Variants in NFIB observed in about 807,000 individuals in gnomAD.
The protein encoded by NFIB is nuclear factor I B.
A neutral mutation model predicts 61.5 loss-of-function variants in NFIB; 11 were observed. The observed-to-expected ratio is 0.18, with a 90% CI of 0.11 to 0.30. NFIB has a LOEUF of 0.30. Ranked by LOEUF, NFIB falls within the 10% of genes least tolerant of loss-of-function variation. NFIB has a pLI of 1.00. For missense variants in NFIB, 471 were observed against 608.9 expected, an observed-to-expected ratio of 0.77 and a Z score of 2.38; for synonymous variants, 260 against 216.5, an observed-to-expected ratio of 1.20 and a Z score of -1.76.
chr9:14,441,935 A>G, the NFIB span, among the ~76,000 whole-genome samples: 1 of 152,214 alleles, frequency 6.6e-6, no homozygotes, highest in Non-Finnish European at 1.5e-5. Flanking sequence ...GTAATTTCCC[A>G]TGAATGATTG....
At chr9:14,207,059 G>C (rs1043224120) in intron 2 of NFIB, among the ~76,000 whole-genome samples, 2 of 152,166 alleles carry the variant, frequency 1.3e-5, no homozygotes, top group Non-Finnish European at 2.9e-5. Context: ...TTGAGTATTT[G>C]TTTACATGTC....
Position 14,204,222 on chromosome 9 carries a change from T to C in NFIB, c.563-24442A>G, listed in dbSNP as rs142259752. The C allele has an allele frequency of 5.2e-3, 2,903 of 555,632 alleles. 16 individuals are homozygous for C. Among genetic ancestry groups the C allele is most frequent in the Middle Eastern group, 9.1e-3 (19 of 2,096 alleles). 34.4% of individuals were successfully genotyped at this position (555,632 alleles called of 1,614,324 possible). On this transcript the variant is annotated intron_variant, in intron 2 of 10. Coordinates refer to ENST00000380953, the MANE Select transcript of NFIB (RefSeq NM_001190737.2). ...GCCTCAAAATTTGAGGAATGATCTCTCTTTTCCCGCCGTCCACTGCCCAAG... is the reference window on the plus strand; with the variant it reads ...GCCTCAAAATTTGAGGAATGATCTCCCTTTTCCCGCCGTCCACTGCCCAAG...
intron 10 of NFIB, among the ~76,000 whole-genome samples, chr9:14,105,347 A>G (rs978170701): frequency 4.6e-5 from 7 of 152,246 alleles, no homozygotes; most frequent in Admixed American, 1.3e-4. Context: ...TGCCAAATAA[A>G]TTGGCAATAT....
In NFIB at chr9:14,307,142, G is replaced by A. The variant is rs1314492509; in HGVS notation, c.409C>T (p.Leu137=). ...VWRLDLVMVI[L]FKGIPLESTD... ...CTTTCCAAGGGGATGCCTTTGAACA[G>A]GATCACCATGACTAGATCCAGACGC... Residue 137 remains leucine (L), a synonymous_variant, in exon 2 of 11, where the codon CTG becomes TTG. Transcript: ENST00000380953. The surrounding 1 kb of genome is among the most constrained non-coding windows in gnomAD (Gnocchi z 5.3). 15 of 1,614,146 alleles carry A rather than the reference G, an allele frequency of 9.3e-6. No individual in the cohort carries two copies. In the South Asian group the frequency reaches 1.4e-4, roughly 15 times the overall value.
At chr9:14,161,558 C>A (rs2044208193) in intron 3 of NFIB, among the ~76,000 whole-genome samples, 1 of 150,818 alleles carries the variant, frequency 6.6e-6, no homozygotes. Context: ...TAGTTGTATC[C>A]AGCTTTTTTC....
the NFIB span, among the ~76,000 whole-genome samples, chr9:14,451,672 G>C: frequency 4.6e-5 from 7 of 152,284 alleles, no homozygotes; most frequent in South Asian, 1.5e-3. Flanking sequence ...GAGCTTGCTT[G>C]TATAATATGA....
chr9:14,521,314 A>C, the NFIB span, among the ~76,000 whole-genome samples: 1 of 152,232 alleles, frequency 6.6e-6, no homozygotes, highest in Admixed American at 6.5e-5. Flanking sequence ...CTAGAAGTAC[A>C]TCAACTCCAT....
Position 14,083,096 on chromosome 9 carries a change from TAAA to T in NFIB, c.*5210_*5212del, listed in dbSNP as rs34054280. 2.6e-3 allele frequency: 470 copies of T among 180,670 alleles called. 3 individuals carry two copies. The highest frequency in any genetic ancestry group is 9.7e-3 in the African/African-American group (403 of 41,668). The allele number at this position is 180,670 out of a possible 1,614,324, so 11.2% of individuals were successfully genotyped here. On this transcript the variant is annotated 3_prime_UTR_variant, in exon 11 of 11. Transcript: ENST00000380953. ...ATTAACTAGTGAACCCTTTTATTAT[TAAA>T]AAAAAAAAAAAACTACTTACAACCA...
chr9:14,190,982 C>A (rs1464666251), intron 2 of NFIB, among the ~76,000 whole-genome samples: 1 of 152,110 alleles, frequency 6.6e-6, no homozygotes, highest in Non-Finnish European at 1.5e-5. Flanking sequence ...AACCTGAGGT[C>A]AGGAGTTCAA....
At chr9:14,495,989 G>A in the NFIB span, among the ~76,000 whole-genome samples, 3 of 152,132 alleles carry the variant, frequency 2.0e-5, no homozygotes, top group Non-Finnish European at 4.4e-5. Flanking sequence ...CTCTTCACCT[G>A]TAAAATGGGA....
Position 14,114,957 on chromosome 9 carries a change from C to G in NFIB, c.1384+1251G>C, listed in dbSNP as rs147753859. ...TGACTGTAATGCACATAGCAAACCT[C>G]TAGAACAAAATAATTTTTAGTTTTT... On this transcript the variant is annotated intron_variant, in intron 9 of 10. Transcript: ENST00000380953. Among the ~76,000 whole-genome samples the G allele has an allele frequency of 3.4e-4, 52 of 152,244 alleles. No individual in the cohort carries two copies. In the East Asian group the frequency reaches 8.9e-3, roughly 26 times the overall value.
intron 1 of NFIB, among the ~76,000 whole-genome samples, chr9:14,347,948 C>T (rs929009274): frequency 6.6e-6 from 1 of 152,168 alleles, no homozygotes; most frequent in African/African-American, 2.4e-5. Context: ...CACGCGGTGT[C>T]TGGTCTCCGC....
In NFIB at chr9:14,320,553, A is replaced by G. The variant is rs531633757; in HGVS notation, c.109-13033T>C. ...AAACCACAACGTTTTGTGTTTCACA[A>G]ACTCTTTGCAGTTTTTACTTAGGAT... On this transcript the variant is annotated intron_variant, in intron 1 of 8. Coordinates refer to the NFIB transcript ENST00000380934. Among the ~76,000 whole-genome samples, 12 of 152,302 alleles carry G rather than the reference A, an allele frequency of 7.9e-5. No homozygotes were observed. The East Asian group carries it at 1.4e-3, about 17-fold the overall frequency.
chr9:14,251,458 C>A (rs1451228285), intron 2 of NFIB, among the ~76,000 whole-genome samples: 1 of 152,196 alleles, frequency 6.6e-6, no homozygotes, highest in Non-Finnish European at 1.5e-5. Context: ...CCAGCCAACC[C>A]CTGAGATTGC....
chr9:14,329,208 GGCT>G (rs1191332017), intron 1 of NFIB, among the ~76,000 whole-genome samples: 2 of 152,158 alleles, frequency 1.3e-5, no homozygotes, highest in African/African-American at 4.8e-5. Context: ...ACTTACTTAT[GGCT>G]GCTAAGCTAG....
chr9:14,102,835 T>G (rs779823726), intron 10 of NFIB, among the ~76,000 whole-genome samples: 5 of 152,220 alleles, frequency 3.3e-5, no homozygotes, highest in African/African-American at 4.8e-5. Context: ...AATAGAGAGA[T>G]ATATTTTAGA....
intron 2 of NFIB, among the ~76,000 whole-genome samples, chr9:14,219,527 C>T (rs1384953940): frequency 3.3e-5 from 5 of 152,016 alleles, no homozygotes; most frequent in Admixed American, 6.6e-5. Context: ...AAATTACAAC[C>T]GCATTACATT....
chr9:14,302,797 A>G (rs1284789110), intron 2 of NFIB, among the ~76,000 whole-genome samples: 1 of 151,464 alleles, frequency 6.6e-6, no homozygotes, highest in Non-Finnish European at 1.5e-5. Flanking sequence ...GACAGGACAC[A>G]GTCTGGCAAC....
chr9:14,195,062 C>G (rs1047851421), intron 2 of NFIB, among the ~76,000 whole-genome samples: 1 of 151,970 alleles, frequency 6.6e-6, no homozygotes, highest in Admixed American at 6.6e-5. Context: ...CTTGCTTAAG[C>G]CAATAAGGTC....
Sources: gnomAD v4.1 joint callset for allele counts (sites outside exome capture counted in the v4.1 genomes callset) on GRCh38, gnomAD v4.1.1 for gene constraint, Gnocchi (gnomAD v3.1) non-coding constraint, MANE v1.5 for transcripts, NCBI Gene and HGNC (gene_info 2026-07-23, HGNC 2026-07-21) for gene names.